The following MYO1F variants were observed in gnomAD, a reference collection of about 807,000 sequenced individuals.
MYO1F encodes the protein unconventional myosin-If.
A neutral mutation model predicts 146.6 loss-of-function variants in MYO1F; 60 were observed. The ratio of observed to expected loss-of-function variants is 0.41; its 90% confidence interval spans 0.33 to 0.51. The LOEUF (loss-of-function observed/expected upper bound fraction) is 0.51, where lower values mean the gene tolerates loss of function less well. Among genes scored for constraint, MYO1F ranks in the 20% least tolerant of loss-of-function variants. MYO1F has a pLI of 0.25. For synonymous variants in MYO1F, 602 were observed against 602.1 expected (o/e 1.00, Z 0.00); for missense variants, 1,274 against 1,534.3 (o/e 0.83, Z 2.83).
At position 8,570,609 on chromosome 19, in the gene MYO1F, T is replaced by G. The variant is rs536425893; in HGVS notation, c.3+6698A>C. Among the ~76,000 whole-genome samples the G allele has an allele frequency of 4.1e-3, 626 of 151,922 alleles. 2 individuals carry two copies. Among genetic ancestry groups the G allele is most frequent in the Non-Finnish European group, 6.8e-3 (464 of 67,956 alleles). On this transcript the variant is annotated intron_variant, in intron 1 of 27. Transcript: ENST00000644032. ...CTTGAACTCCTGACCCCAAGTGATC[T>G]GCCCGCCTTGACCTCCCAAAGTGCT...
chr19:8,567,115 G>A (rs1052619357), intron 1 of MYO1F, among the ~76,000 whole-genome samples: 2 of 145,094 alleles, frequency 1.4e-5, no homozygotes, highest in African/African-American at 5.2e-5. Context: ...AGGCTGGAAT[G>A]CAGTGGTACG....
In MYO1F at chr19:8,520,910, C is replaced by G. The variant is rs568686222; in HGVS notation, c.*618G>C. The G allele has an allele frequency of 1.2e-4, 20 of 161,468 alleles. No homozygotes were observed. The South Asian group carries it at 3.2e-3, about 26-fold the overall frequency. The allele number at this position is 161,468 out of a possible 1,614,324, so 10.0% of individuals were successfully genotyped here. A position where few individuals can be genotyped will look rare whatever the true frequency, so the allele number is the denominator to read the frequency against. ...AAAGTGCTGGGATTACAGGCGTGAG[C>G]CACTGCGCCCAGCCCAAACTGGGAC... On this transcript the variant is annotated 3_prime_UTR_variant, in exon 28 of 28. Transcript: ENST00000644032.
intron 1 of MYO1F, among the ~76,000 whole-genome samples, chr19:8,570,633 C>A (rs1249381047): frequency 1.3e-5 from 2 of 151,856 alleles, no homozygotes; most frequent in African/African-American, 4.8e-5. Context: ...TCCCAAAGTG[C>A]TGGAATGACG....
intron 1 of MYO1F, among the ~76,000 whole-genome samples, chr19:8,565,813 G>C (rs1026519216): frequency 2.0e-5 from 3 of 151,914 alleles, no homozygotes; most frequent in African/African-American, 7.3e-5. Context: ...ACACCTGGCC[G>C]GGTGGTGGCT....
chr19:8,563,601 C>T (rs1014008125), intron 1 of MYO1F, among the ~76,000 whole-genome samples: 3 of 151,740 alleles, frequency 2.0e-5, no homozygotes, highest in Non-Finnish European at 2.9e-5. Context: ...CTTCGCCTCC[C>T]GGGTTCAAGC....
intron 16 of MYO1F, among the ~76,000 whole-genome samples, chr19:8,538,722 G>C (rs1177700137): frequency 6.6e-6 from 1 of 151,878 alleles, no homozygotes; most frequent in Non-Finnish European, 1.5e-5. Flanking sequence ...CAAGTAGCTG[G>C]GACCACAGGT....
At chr19:8,540,333 A>T (rs1377316069) in intron 15 of MYO1F, 1 of 253,848 alleles carries the variant, frequency 3.9e-6, no homozygotes, top group East Asian at 7.0e-5. Flanking sequence ...ATTTCATTTT[A>T]TCTTATTTTA....
intron 17 of MYO1F, 57 bp downstream of exon 17, chr19:8,536,892 T>G: frequency 8.9e-7 from 1 of 1,128,176 alleles, no homozygotes; most frequent in Non-Finnish European, 1.2e-6. Context: ...CGGTCAGTTC[T>G]AGGGGTAACT....
chr19:8,536,388 A>G lies in MYO1F; in HGVS notation c.1907T>C (p.Ile636Thr). ...CCGCGGCCACGTCTCGGGGGTCAGA[A>G]TGGCATACCTGAGGGCGGAGGGCTG... ...QFAKFLQRYA[I>T]LTPETWPRWR... The change falls in exon 19 of 28, where the codon ATT becomes ACT. Residue 636 changes from isoleucine (I) to threonine (T), a missense_variant. By Grantham distance (89) the Ile-to-Thr change is moderately conservative (BLOSUM62 -1). This residue lies in a region of MYO1F where 900 missense variants were observed against 1,155.1 expected (regional missense o/e 0.78). Transcript: ENST00000644032. The G allele has an allele frequency of 6.2e-7, 1 of 1,604,750 alleles. No individual in the cohort carries two copies.
intron 1 of MYO1F, among the ~76,000 whole-genome samples, chr19:8,562,982 T>C (rs929095540): frequency 5.9e-5 from 9 of 151,402 alleles, no homozygotes. Flanking sequence ...CCTTAGCACC[T>C]TCTTTCCTTC....
intron 1 of MYO1F, among the ~76,000 whole-genome samples, chr19:8,576,166 T>C (rs2042236291): frequency 6.6e-6 from 1 of 152,124 alleles, no homozygotes. Flanking sequence ...CCAGTTAATT[T>C]TTTGTATTTT....
chr19:8,525,737 A>G lies in MYO1F; in HGVS notation c.2771-175T>C, dbSNP rs1441461350. ...GCCCACTAATTGGCCTCGCCCCCCAAGGGCCCAACACCTCACTGGCCTTGC... is the reference window on the plus strand; with the variant it reads ...GCCCACTAATTGGCCTCGCCCCCCAGGGGCCCAACACCTCACTGGCCTTGC... On this transcript the variant is annotated intron_variant, in intron 24 of 27. Coordinates refer to ENST00000644032, the MANE Select transcript of MYO1F (RefSeq NM_012335.4). 2.6e-5 allele frequency among the ~76,000 whole-genome samples: 4 copies of G among 151,948 alleles called. No homozygotes were observed. In the East Asian group the frequency reaches 7.7e-4, roughly 29 times the overall value.
chr19:8,526,993 G>C (rs1347363439), intron 22 of MYO1F, 58 bp from the exon 23 acceptor site: 2 of 1,601,086 alleles, frequency 1.2e-6, no homozygotes, highest in Non-Finnish European at 1.7e-6. Context: ...ACAGGTGAGA[G>C]AGACAGATGA....
At chr19:8,548,437 C>T in intron 10 of MYO1F, 120 bp from the exon 11 acceptor site, 2 of 862,846 alleles carry the variant, frequency 2.3e-6, no homozygotes, top group East Asian at 2.6e-5. Flanking sequence ...ATGCCAGTTT[C>T]CCTCCAGCCC....
intron 12 of MYO1F, among the ~76,000 whole-genome samples, chr19:8,546,056 CT>C (rs58638075): frequency 0.027 from 2,516 of 94,564 alleles, 29 homozygotes; most frequent in African/African-American, 0.094. Context: ...TATTTTGACT[CT>C]TTTTTTTTTT....
intron 15 of MYO1F, 145 bp from the exon 16 acceptor site, chr19:8,540,173 G>C (rs1972900274): frequency 1.6e-6 from 1 of 635,152 alleles, no homozygotes; most frequent in Non-Finnish European, 2.7e-6. Flanking sequence ...GAGATGCAGA[G>C]GGTTGGTTTT....
At position 8,577,385 on chromosome 19, in the gene MYO1F, G is replaced by T. The variant is rs2042257711; in HGVS notation, c.-76C>A. On this transcript the variant is annotated 5_prime_UTR_variant, in exon 1 of 28. Transcript: ENST00000644032. This position sits in a 1 kb window ranked among gnomAD's most constrained non-coding sequence, Gnocchi z 4.3. ...GGAGGTGCAGGTTCAGGGGGATCTTGGGGGTGGCTTGGGCATGGCCCTGCT... is the reference window on the plus strand; with the variant it reads ...GGAGGTGCAGGTTCAGGGGGATCTTTGGGGTGGCTTGGGCATGGCCCTGCT... 1 of 1,569,874 alleles carries T rather than the reference G, an allele frequency of 6.4e-7. No individual in the cohort carries two copies.
At chr19:8,522,602 A>C (rs1599902371) in intron 26 of MYO1F, 32 bp downstream of exon 26, 1 of 1,607,526 alleles carries the variant, frequency 6.2e-7, no homozygotes, top group South Asian at 1.1e-5. Flanking sequence ...CCCCCTGCCC[A>C]CCTCCTGGAG....
chr19:8,540,339 T>TTTTA (rs144925962), intron 15 of MYO1F: 5,479 of 232,842 alleles, frequency 0.024, 213 homozygotes, highest in African/African-American at 0.092. Context: ...TTTTATCTTA[T>TTTTA]TTTATTTATT....
Sources: gnomAD v4.1 joint callset for allele counts (sites outside exome capture counted in the v4.1 genomes callset) on GRCh38, gnomAD v4.1.1 for gene constraint, gnomAD v4.1.1 regional missense constraint, Gnocchi (gnomAD v3.1) non-coding constraint, MANE v1.5 for transcripts, NCBI Gene and HGNC (gene_info 2026-07-23, HGNC 2026-07-21) for gene names.